Variants in CCNJL observed in about 807,000 individuals in gnomAD.
The protein encoded by CCNJL is cyclin-J-like protein.
CCNJL carries 33 observed loss-of-function variants against 33.4 expected under a neutral mutation model. The observed-to-expected ratio is 0.99, with a 90% confidence interval of 0.75 to 1.32. CCNJL has a LOEUF of 1.32. Ranked by LOEUF, CCNJL falls within the 40% of genes most tolerant of loss-of-function variation. The probability of loss-of-function intolerance (pLI) is 0.00; values close to 1 mark genes in which losing one functional copy is unlikely to be tolerated. For synonymous variants in CCNJL, 227 were observed against 220.9 expected (o/e 1.03, Z -0.24); for missense variants, 512 against 499.7 (o/e 1.02, Z -0.23).
chr5:160,303,204 T>A (rs1219126720), intron 2 of CCNJL, among the ~76,000 whole-genome samples: 2 of 152,324 alleles, frequency 1.3e-5, no homozygotes, highest in African/African-American at 4.8e-5. Flanking sequence ...ATTTTCCTTT[T>A]CATTTATTTA....
At position 160,250,553 on chromosome 5, in the gene CCNJL, C is replaced by T. The variant is rs1760776180; in HGVS notation, c.*2825G>A. 1 of 152,258 alleles carries T rather than the reference C, an allele frequency of 6.6e-6. No homozygotes were observed. The highest frequency in any genetic ancestry group is 1.5e-5 in the Non-Finnish European group (1 of 68,046). 9.4% of individuals were successfully genotyped at this position (152,258 alleles called of 1,614,324 possible). A position where few individuals can be genotyped will look rare whatever the true frequency, so the allele number is the denominator to read the frequency against. ...ACACCGGCTCTCTGGGGTGGTTCTC[C>T]TGCTGGAAGCTGGGTAGGTAGAGGG... On this transcript the variant is annotated 3_prime_UTR_variant, in exon 6 of 6. Transcript: ENST00000257536.
chr5:160,255,780 G>A, intron 4 of CCNJL, 72 bp from the exon 5 acceptor site: 2 of 1,353,328 alleles, frequency 1.5e-6, no homozygotes, highest in Non-Finnish European at 2.1e-6. Flanking sequence ...CCTGAGAATG[G>A]ATGGACAAAT....
intron 2 of CCNJL, among the ~76,000 whole-genome samples, chr5:160,299,523 T>C (rs534320765): frequency 7.2e-5 from 11 of 152,172 alleles, no homozygotes; most frequent in East Asian, 1.9e-4. Flanking sequence ...ATAAAAACCA[T>C]TTCTGAGACA....
intron 2 of CCNJL, among the ~76,000 whole-genome samples, chr5:160,300,501 C>T (rs992522570): frequency 1.3e-5 from 2 of 152,212 alleles, no homozygotes; most frequent in Non-Finnish European, 2.9e-5. Flanking sequence ...CAAGCACAAA[C>T]TCCTAAACTT....
intron 1 of CCNJL, among the ~76,000 whole-genome samples, chr5:160,331,222 C>CTTTTTT (rs574507230): frequency 3.0e-5 from 4 of 131,434 alleles, no homozygotes; most frequent in East Asian, 2.1e-4. Flanking sequence ...TTCTTTCTTT[C>CTTTTTT]TTTTTTTTTT....
intron 2 of CCNJL, among the ~76,000 whole-genome samples, chr5:160,283,389 T>C (rs1160215049): frequency 6.6e-6 from 1 of 152,168 alleles, no homozygotes. Flanking sequence ...GGTTTCTTTT[T>C]GGAGTTATAA....
chr5:160,287,954 C>T (rs1033281144), intron 2 of CCNJL, among the ~76,000 whole-genome samples: 14 of 152,224 alleles, frequency 9.2e-5, no homozygotes, highest in Admixed American at 6.5e-4. Flanking sequence ...TCTCCCTCCC[C>T]AGCTGTTGGC....
chr5:160,293,786 C>T (rs1762662984), intron 2 of CCNJL, among the ~76,000 whole-genome samples: 1 of 152,188 alleles, frequency 6.6e-6, no homozygotes. Context: ...AGTGGTAAAT[C>T]TTGGGCTTGG....
chr5:160,258,305 G>C (rs1052943218), intron 4 of CCNJL: 16 of 747,824 alleles, frequency 2.1e-5, no homozygotes, highest in Non-Finnish European at 3.7e-5. Context: ...GATGGTATTC[G>C]AAAATGGTAT....
At chr5:160,288,754 C>CG (rs534488109) in intron 2 of CCNJL, among the ~76,000 whole-genome samples, 14 of 148,720 alleles carry the variant, frequency 9.4e-5, no homozygotes, top group Admixed American at 1.4e-4. Flanking sequence ...GGCATGAACC[C>CG]GGGGGGGCGG....
chr5:160,282,974 T>C (rs187309711), intron 2 of CCNJL, among the ~76,000 whole-genome samples: 177 of 45,918 alleles, frequency 3.9e-3, no homozygotes, highest in African/African-American at 0.025. Context: ...GGAATATATA[T>C]ATATATATAT....
intron 3 of CCNJL, among the ~76,000 whole-genome samples, chr5:160,272,717 C>T (rs192931232): frequency 6.6e-5 from 10 of 152,296 alleles, no homozygotes; most frequent in East Asian, 1.9e-4. Flanking sequence ...GTCAAATTTA[C>T]GGAAAAACGG....
chr5:160,271,793 G>GT (rs1421461964), intron 3 of CCNJL, among the ~76,000 whole-genome samples: 6 of 152,210 alleles, frequency 3.9e-5, no homozygotes, highest in Non-Finnish European at 8.8e-5. Context: ...TGTAAGACCT[G>GT]TTCTGATTCC....
chr5:160,288,758 G>A (rs1395591637), intron 2 of CCNJL, among the ~76,000 whole-genome samples: 1 of 151,158 alleles, frequency 6.6e-6, no homozygotes, highest in Non-Finnish European at 1.5e-5. Flanking sequence ...TGAACCCGGG[G>A]GGGCGGAGCT....
chr5:160,275,445 C>G (rs1761978421), intron 3 of CCNJL, among the ~76,000 whole-genome samples: 1 of 151,994 alleles, frequency 6.6e-6, no homozygotes, highest in Admixed American at 6.6e-5. Flanking sequence ...AGGGGAGAAA[C>G]TAATTTTTCA....
At chr5:160,324,321 C>T (rs137854979) in intron 1 of CCNJL, among the ~76,000 whole-genome samples, 3,237 of 152,250 alleles carry the variant, frequency 0.021, 50 homozygotes, top group South Asian at 0.03. Flanking sequence ...GCCTGTAATC[C>T]CAGCACTTTG....
chr5:160,310,402 A>T (rs56378627), intron 2 of CCNJL, among the ~76,000 whole-genome samples: 13,432 of 152,284 alleles, frequency 0.088, 715 homozygotes, highest in South Asian at 0.2. Flanking sequence ...AAGACAGGTC[A>T]GCAGGTACAG....
chr5:160,314,737 C>A (rs1019097502), upstream of CCNJL, among the ~76,000 whole-genome samples: 2 of 152,190 alleles, frequency 1.3e-5, no homozygotes, highest in African/African-American at 2.4e-5. Context: ...AACATTAACA[C>A]CCTACGTGCA....
At chr5:160,278,934 C>G (rs1762113532) in intron 3 of CCNJL, among the ~76,000 whole-genome samples, 1 of 152,198 alleles carries the variant, frequency 6.6e-6, no homozygotes, top group African/African-American at 2.4e-5. Flanking sequence ...AGGCTGGACA[C>G]CCAGCAAGAC....
Sources: allele counts gnomAD v4.1 joint callset (sites outside exome capture counted in the v4.1 genomes callset), GRCh38; gene constraint gnomAD v4.1.1; transcripts MANE v1.5; gene names NCBI Gene and HGNC (gene_info 2026-07-23, HGNC 2026-07-21).